The following PPARA variants were observed in gnomAD, a reference collection of about 807,000 sequenced individuals.
PPARA encodes peroxisome proliferator activated receptor alpha.
A neutral mutation model predicts 42.2 loss-of-function variants in PPARA; 22 were observed. The ratio of observed to expected loss-of-function variants is 0.52; its 90% CI spans 0.37 to 0.74. The LOEUF (loss-of-function observed/expected upper bound fraction) is 0.74, where lower values mean the gene tolerates loss of function less well. PPARA is among the 30% of genes least tolerant of loss of function. The probability of loss-of-function intolerance (pLI) is 0.00; values close to 1 mark genes in which losing one functional copy is unlikely to be tolerated. For missense variants in PPARA, 465 were observed against 608.2 expected (o/e 0.76, Z 2.48); for synonymous variants, 242 against 239.3 (o/e 1.01, Z -0.10).
Position 46,211,988 on chromosome 22 carries a change from G to A in PPARA, c.209-3185G>A, listed in dbSNP as rs1032097477. Among the ~76,000 whole-genome samples, 9 of 149,066 alleles carry A rather than the reference G, an allele frequency of 6.0e-5. No individual in the cohort carries two copies. Among genetic ancestry groups the A allele is most frequent in the African/African-American group, 1.5e-4 (6 of 40,320 alleles). The stretch of plus-strand genomic sequence containing the variant: ...ATTACAGGCGTGAGCCACCACACCC[G>A]GTCTCTCTCCTTCCTTTCCTTTCCT... On this transcript the variant is annotated intron_variant, in intron 4 of 8. Transcript: ENST00000407236. This position sits in a 1 kb window ranked among gnomAD's most constrained non-coding sequence, Gnocchi z 4.1.
At position 46,239,748 on chromosome 22, in the gene PPARA, C is replaced by T. The variant is rs961840265; in HGVS notation, c.*4368C>T. On this transcript the variant is annotated 3_prime_UTR_variant, in exon 9 of 9. Transcript: ENST00000407236. ...AGACCCTACCAGATGCGGATGGAAA[C>T]AGATGCACCAAAGCAAGCCCTGATG... 1.4e-5 allele frequency: 2 copies of T among 145,998 alleles called. No homozygotes were observed. Among genetic ancestry groups the T allele is most frequent in the Admixed American group, 1.5e-4 (2 of 13,668 alleles). 9.0% of individuals were successfully genotyped at this position (145,998 alleles called of 1,614,324 possible).
chr22:46,177,606 G>T (rs1296109905), intron 3 of PPARA, among the ~76,000 whole-genome samples: 1 of 152,168 alleles, frequency 6.6e-6, no homozygotes, highest in African/African-American at 2.4e-5. Context: ...AGAGAGAGAG[G>T]TATATCAGAA....
intron 4 of PPARA, among the ~76,000 whole-genome samples, chr22:46,213,641 G>A (rs1279743007): frequency 6.6e-6 from 1 of 150,982 alleles, no homozygotes; most frequent in East Asian, 1.9e-4. Context: ...CCAGGCTGGA[G>A]TGCATTGGTG....
Position 46,173,062 on chromosome 22 carries a change from T to G in PPARA, c.-126-3691T>G, listed in dbSNP as rs1928342323. Among the ~76,000 whole-genome samples the G allele has an allele frequency of 6.6e-6, 1 of 152,222 alleles. No individual in the cohort carries two copies. Among genetic ancestry groups the G allele is most frequent in the South Asian group, 2.1e-4 (1 of 4,834 alleles). On this transcript the variant is annotated intron_variant, in intron 2 of 8. Coordinates refer to ENST00000407236, the MANE Select transcript of PPARA (RefSeq NM_005036.6). This position sits in a 1 kb window ranked among gnomAD's most constrained non-coding sequence, Gnocchi z 4.3. ...TTGTCACTTTAAGTTGCATTCATCT[T>G]TGTCCCTTTAGAAAAGGATTTGTCC...
rs1325791745 is a variant in PPARA, at chr22:46,227,815, G to A, written c.712-3977G>A. Among the ~76,000 whole-genome samples, 1 of 152,194 alleles carries A rather than the reference G, an allele frequency of 6.6e-6. No individual in the cohort carries two copies. The highest frequency in any genetic ancestry group is 1.5e-5 in the Non-Finnish European group (1 of 68,036). On this transcript the variant is annotated intron_variant, in intron 7 of 8. Transcript: ENST00000407236. This position sits in a 1 kb window ranked among gnomAD's most constrained non-coding sequence, Gnocchi z 4.3. ...CAGATATATTCATAGTCAAGCTTGA[G>A]TATAAAAGGCATATTCCAAAGTTAA... is the stretch of plus-strand genomic sequence containing the variant.
chr22:46,201,015 A>G (rs1932808014), intron 4 of PPARA, among the ~76,000 whole-genome samples: 1 of 151,898 alleles, frequency 6.6e-6, no homozygotes, highest in Non-Finnish European at 1.5e-5. Flanking sequence ...GGAGTTAAAG[A>G]CCAGCCTGGT....
chr22:46,239,604 A>G lies in PPARA; in HGVS notation c.*4224A>G, dbSNP rs1055787360. ...CTGACATTGGGCACGTCTTGGGCTT[A>G]GGAGAAGCGGCCGATGGTCCCGGCC... is the stretch of plus-strand genomic sequence containing the variant. On this transcript the variant is annotated 3_prime_UTR_variant, in exon 9 of 9. Coordinates refer to ENST00000407236, the MANE Select transcript of PPARA (RefSeq NM_005036.6). 6.6e-6 allele frequency: 1 copy of G among 150,894 alleles called. No homozygotes were observed. Among genetic ancestry groups the G allele is most frequent in the Non-Finnish European group, 1.5e-5 (1 of 67,804 alleles). The allele number at this position is 150,894 out of a possible 1,614,324, so 9.3% of individuals were successfully genotyped here.
intron 4 of PPARA, among the ~76,000 whole-genome samples, chr22:46,201,670 C>A (rs927042044): frequency 2.6e-5 from 4 of 152,058 alleles, no homozygotes; most frequent in African/African-American, 9.7e-5. Flanking sequence ...CCCAGAGCAG[C>A]CTTGTGAGGT....
intron 4 of PPARA, 88 bp from the exon 5 acceptor site, chr22:46,215,085 G>A (rs1017447957): frequency 1.1e-5 from 16 of 1,520,424 alleles, no homozygotes; most frequent in African/African-American, 2.7e-5. Flanking sequence ...TAGAAGCCTC[G>A]TATGCGAAAT....
rs1183646945 is a variant in PPARA at position 46,241,036 on chromosome 22, C to G, written c.*5656C>G. 1 of 152,290 alleles carries G rather than the reference C, an allele frequency of 6.6e-6. No homozygotes were observed. The allele number at this position is 152,290 out of a possible 1,614,324, so 9.4% of individuals were successfully genotyped here. A position where few individuals can be genotyped will look rare whatever the true frequency, so the allele number is the denominator to read the frequency against. On this transcript the variant is annotated 3_prime_UTR_variant, in exon 9 of 9. Coordinates refer to ENST00000407236, the MANE Select transcript of PPARA (RefSeq NM_005036.6). The surrounding 1 kb of genome is among the most constrained non-coding windows in gnomAD (Gnocchi z 5.7). ...CAAATAAATGATTAACCTGCCTCGA[C>G]TGTGCTGAGGGCAACAAAGGCCATC... is the stretch of plus-strand genomic sequence containing the variant.
In PPARA at chr22:46,236,705, C is replaced by T. The variant is rs1304606603; in HGVS notation, c.*1325C>T. On this transcript the variant is annotated 3_prime_UTR_variant, in exon 9 of 9. Transcript: ENST00000407236. The surrounding 1 kb of genome is among the most constrained non-coding windows in gnomAD (Gnocchi z 5.2). ...TGGAGCGCAGACGAGGCACATGTGT[C>T]TTCATAGCCTGGGCTGGGTGGGAGC... The T allele has an allele frequency of 6.6e-6, 1 of 152,630 alleles. No homozygotes were observed. The highest frequency in any genetic ancestry group is 1.5e-5 in the Non-Finnish European group (1 of 68,048). 9.5% of individuals were successfully genotyped at this position (152,630 alleles called of 1,614,324 possible).
In PPARA at chr22:46,193,802, T is replaced by G. The variant is rs184071498; in HGVS notation, c.-42-4540T>G. Reference sequence around the variant, plus strand: ...TGAGACTCTGTCTGTGCTATGAAACTGAAGATCTAATTCAGTGCTGTTTGC... The same window carrying G: ...TGAGACTCTGTCTGTGCTATGAAACGGAAGATCTAATTCAGTGCTGTTTGC... On this transcript the variant is annotated intron_variant, in intron 3 of 8. Coordinates refer to ENST00000407236, the MANE Select transcript of PPARA (RefSeq NM_005036.6). This position sits in a 1 kb window ranked among gnomAD's most constrained non-coding sequence, Gnocchi z 5.3. Among the ~76,000 whole-genome samples the G allele has an allele frequency of 1.9e-3, 291 of 152,294 alleles. 1 individual carries two copies. Among genetic ancestry groups the G allele is most frequent in the African/African-American group, 6.8e-3 (281 of 41,566 alleles).
chr22:46,232,374 AC>A lies in PPARA; in HGVS notation c.1159+140del. The A allele has an allele frequency of 1.3e-6, 1 of 797,232 alleles. No individual in the cohort carries two copies. Among genetic ancestry groups the A allele is most frequent in the South Asian group, 1.4e-5 (1 of 71,108 alleles). 49.4% of individuals were successfully genotyped at this position (797,232 alleles called of 1,614,324 possible). On this transcript the variant is annotated intron_variant, in intron 8 of 8. Transcript: ENST00000407236. This position sits in a 1 kb window ranked among gnomAD's most constrained non-coding sequence, Gnocchi z 5.3. ...CACTCACATGGTGGGAAGACGTCTG[AC>A]CCCCAGTCACTGCTGAGAATTCAGT...
At chr22:46,223,951 A>G (rs1241875678) in intron 7 of PPARA, among the ~76,000 whole-genome samples, 4 of 147,078 alleles carry the variant, frequency 2.7e-5, no homozygotes, top group Non-Finnish European at 6.0e-5. Flanking sequence ...CTCCATCTCA[A>G]AAAAAAAAAA....
rs538436678 is a variant in PPARA at position 46,204,312 on chromosome 22, T to C, written c.208+5721T>C. Among the ~76,000 whole-genome samples, 33 of 152,364 alleles carry C rather than the reference T, an allele frequency of 2.2e-4. No homozygotes were observed. The South Asian group carries it at 3.1e-3, about 14-fold the overall frequency. ...AATAAAGCTGCTATGAACATTCACG[T>C]ACAAGTCTCTGTACAACCCTCTGCT... On this transcript the variant is annotated intron_variant, in intron 4 of 8. Coordinates refer to ENST00000407236, the MANE Select transcript of PPARA (RefSeq NM_005036.6). The surrounding 1 kb of genome is among the most constrained non-coding windows in gnomAD (Gnocchi z 5.2).
At position 46,190,027 on chromosome 22, in the gene PPARA, C is replaced by T. The variant is rs969726399; in HGVS notation, c.-42-8315C>T. On this transcript the variant is annotated intron_variant, in intron 3 of 8. Coordinates refer to ENST00000407236, the MANE Select transcript of PPARA (RefSeq NM_005036.6). The surrounding 1 kb of genome is among the most constrained non-coding windows in gnomAD (Gnocchi z 5.6). The stretch of plus-strand genomic sequence containing the variant: ...GCCGTGTTCATCTATTTCTGTGAAC[C>T]GATGCTAGGTGAAGGTACAGAGGGC... 7.2e-5 allele frequency among the ~76,000 whole-genome samples: 11 copies of T among 152,134 alleles called. No individual in the cohort carries two copies. The highest frequency in any genetic ancestry group is 1.2e-4 in the African/African-American group (5 of 41,484).
At chr22:46,186,543 A>G (rs1357150730) in intron 3 of PPARA, among the ~76,000 whole-genome samples, 1 of 152,070 alleles carries the variant, frequency 6.6e-6, no homozygotes, top group Middle Eastern at 3.2e-3. Context: ...CTCTATAGAC[A>G]TCTCGAACCA....
At position 46,215,259 on chromosome 22, in the gene PPARA, A is replaced by G; in HGVS notation, c.295A>G (p.Asn99Asp). 1 of 1,614,114 alleles carries G rather than the reference A, an allele frequency of 6.2e-7. No homozygotes were observed. Among genetic ancestry groups the G allele is most frequent in the Non-Finnish European group, 8.5e-7 (1 of 1,180,030 alleles). ...SVDESPSGAL[N>D]IECRICGDKA... ...GGACGAGTCTCCCAGTGGAGCATTGAACATCGAATGTAGAATCTGCGGGGA... is the reference window on the plus strand; with the variant it reads ...GGACGAGTCTCCCAGTGGAGCATTGGACATCGAATGTAGAATCTGCGGGGA... Residue 99 changes from asparagine (N) to aspartate (D), a missense_variant, in exon 5 of 9, where the codon AAC becomes GAC. This residue lies in a region of PPARA where 152 missense variants were observed against 139.1 expected (regional missense o/e 1.09). Coordinates refer to ENST00000407236, the MANE Select transcript of PPARA (RefSeq NM_005036.6).
At chr22:46,198,762 A>T (rs1033413965) in intron 4 of PPARA, among the ~76,000 whole-genome samples, 171 bp downstream of exon 4, 2 of 146,322 alleles carry the variant, frequency 1.4e-5, no homozygotes, top group Non-Finnish European at 3.0e-5. Context: ...CTGGGTTCAC[A>T]CCATTCTCCT....
Sources: gnomAD v4.1 joint callset for allele counts (sites outside exome capture counted in the v4.1 genomes callset) on GRCh38, gnomAD v4.1.1 for gene constraint, gnomAD v4.1.1 regional missense constraint, Gnocchi (gnomAD v3.1) non-coding constraint, MANE v1.5 for transcripts, NCBI Gene and HGNC (gene_info 2026-07-23, HGNC 2026-07-21) for gene names.